The following STRN variants were observed in gnomAD, a reference collection of about 807,000 sequenced individuals.
The protein encoded by STRN is protein phosphatase 2 regulatory subunit B'''alpha.
Under a neutral mutation model 96.3 loss-of-function variants are expected in STRN, and 53 were observed. That is an observed-to-expected ratio of 0.55 (90% confidence interval 0.44 to 0.69). The LOEUF (loss-of-function observed/expected upper bound fraction) is 0.69. Ranked by LOEUF, STRN falls within the 30% of genes least tolerant of loss-of-function variation. STRN has a pLI of 0.00. For synonymous variants in STRN, 428 were observed against 355.9 expected (o/e 1.20, Z -2.28); for missense variants, 987 against 963.9 (o/e 1.02, Z -0.32).
intron 11 of STRN, among the ~76,000 whole-genome samples, chr2:36,868,732 A>T (rs1238041754): frequency 6.6e-6 from 1 of 152,162 alleles, no homozygotes; most frequent in East Asian, 1.9e-4. Context: ...AATGACACTG[A>T]TCTCTCTTAA....
intron 6 of STRN, among the ~76,000 whole-genome samples, chr2:36,898,589 T>C (rs1386231521): frequency 6.6e-6 from 1 of 152,208 alleles, no homozygotes; most frequent in Admixed American, 6.5e-5. Flanking sequence ...TAGTGTCTCT[T>C]TGTTCCTCAC....
intron 2 of STRN, among the ~76,000 whole-genome samples, chr2:36,918,662 GT>G (rs1558652673): frequency 6.6e-6 from 1 of 152,102 alleles, no homozygotes; most frequent in African/African-American, 2.4e-5. Flanking sequence ...AAGAACTGTT[GT>G]TTTTATCACA....
In STRN at chr2:36,840,172, AGT is replaced by A. The variant is rs1667917789; in HGVS notation, c.*9282_*9283del. 1 of 152,198 alleles carries A rather than the reference AGT, an allele frequency of 6.6e-6. No individual in the cohort carries two copies. 9.4% of individuals were successfully genotyped at this position (152,198 alleles called of 1,614,324 possible). A position where few individuals can be genotyped will look rare whatever the true frequency, so the allele number is the denominator to read the frequency against. ...GGCCATCTGTAGGTTGCAAGGAAAG[AGT>A]GTGGAAGTGGACCTGTTCTGAGCCC... On this transcript the variant is annotated 3_prime_UTR_variant, in exon 18 of 18. Transcript: ENST00000263918.
intron 12 of STRN, among the ~76,000 whole-genome samples, chr2:36,862,972 C>T (rs1668531188): frequency 6.6e-6 from 1 of 152,192 alleles, no homozygotes. Context: ...ATCCGCCCGC[C>T]TCGGCCTCCC....
intron 15 of STRN, among the ~76,000 whole-genome samples, chr2:36,851,607 T>A (rs1254804053): frequency 6.6e-6 from 1 of 152,256 alleles, no homozygotes; most frequent in East Asian, 1.9e-4. Flanking sequence ...GCCTGATAAA[T>A]CTGGAAATAT....
At position 36,966,387 on chromosome 2, in the gene STRN, G is replaced by C; in HGVS notation, c.77C>G (p.Pro26Arg). 3 of 1,464,050 alleles carry C rather than the reference G, an allele frequency of 2.0e-6. No individual in the cohort carries two copies. Among genetic ancestry groups the C allele is most frequent in the Non-Finnish European group, 2.7e-6 (3 of 1,110,150 alleles). 90.7% of individuals were successfully genotyped at this position (1,464,050 alleles called of 1,614,324 possible). Residue 26 changes from proline to arginine, a missense_variant, in exon 1 of 18, where the codon CCT becomes CGT. Pro to Arg is a moderately radical substitution (Grantham distance 103). Transcript: ENST00000263918. The part of the protein sequence containing the change: ...PGAGGAKGLG[P>R]LAEAAAAGDG... ...GCCGGCCGCGGCAGCCTCCGCCAGAGGCCCGAGCCCCTTGGCACCGCCGGC... is the reference window on the plus strand; with the variant it reads ...GCCGGCCGCGGCAGCCTCCGCCAGACGCCCGAGCCCCTTGGCACCGCCGGC...
At chr2:36,916,178 C>A (rs770266581) in intron 2 of STRN, 27 bp from the exon 3 acceptor site, 1 of 1,574,194 alleles carries the variant, frequency 6.4e-7, no homozygotes, top group Non-Finnish European at 8.7e-7. Context: ...AAAATACAGA[C>A]CATCTTAAAA....
intron 1 of STRN, among the ~76,000 whole-genome samples, 175 bp downstream of exon 1, chr2:36,966,055 G>A (rs532037872): frequency 2.6e-5 from 4 of 151,802 alleles, no homozygotes; most frequent in Admixed American, 2.0e-4. Flanking sequence ...GGTCGAGGTG[G>A]GGTCAGCGAA....
chr2:36,861,360 C>G, intron 12 of STRN, 107 bp from the exon 13 acceptor site: 1 of 1,407,294 alleles, frequency 7.1e-7, no homozygotes, highest in Non-Finnish European at 9.6e-7. Flanking sequence ...TATTTTTCTG[C>G]TTTTTATAAA....
chr2:36,876,577 A>G (rs1046481351), intron 10 of STRN, among the ~76,000 whole-genome samples: 3 of 152,102 alleles, frequency 2.0e-5, no homozygotes, highest in Admixed American at 1.3e-4. Context: ...CATCCATCCT[A>G]CATCCCCTGC....
At chr2:36,932,662 G>T (rs918215733) in intron 1 of STRN, among the ~76,000 whole-genome samples, 10 of 152,196 alleles carry the variant, frequency 6.6e-5, no homozygotes, top group Admixed American at 5.9e-4. Context: ...GAGTACAGTG[G>T]CATGATCATA....
At chr2:36,856,364 G>C (rs1034612930) in intron 14 of STRN, among the ~76,000 whole-genome samples, 3 of 152,136 alleles carry the variant, frequency 2.0e-5, no homozygotes, top group Non-Finnish European at 2.9e-5. Flanking sequence ...TAGCAGCCTT[G>C]TTCAAAATAG....
rs977271558 is a variant in STRN, at chr2:36,851,173, G to C, written c.1979-66C>G. On this transcript the variant is annotated intron_variant, in intron 15 of 17. Coordinates refer to ENST00000263918, the MANE Select transcript of STRN (RefSeq NM_003162.4). The stretch of plus-strand genomic sequence containing the variant: ...GATATTTTTCACACAAAGGAGAACT[G>C]AATTATCTATCTAAGAGACTGAAAA... The C allele has an allele frequency of 5.8e-6, 8 of 1,390,654 alleles. No homozygotes were observed. In the East Asian group the frequency reaches 1.6e-4, roughly 28 times the overall value. 86.1% of individuals were successfully genotyped at this position (1,390,654 alleles called of 1,614,324 possible). A position where few individuals can be genotyped will look rare whatever the true frequency, so the allele number is the denominator to read the frequency against.
rs2148196138 is a variant in STRN at position 36,899,676 on chromosome 2, T to C, written c.660-18A>G. ...CAGATTTTCTGGTGTAAAACATGTA[T>C]ATCCTGCTTAGTTAATCTTTTTAAC... On this transcript the variant is annotated intron_variant, in intron 5 of 17. Transcript: ENST00000263918. 16 of 1,572,218 alleles carry C rather than the reference T, an allele frequency of 1.0e-5. No homozygotes were observed. The highest frequency in any genetic ancestry group is 1.4e-5 in the Non-Finnish European group (16 of 1,159,154).
At chr2:36,948,965 A>G (rs1664682310) in intron 1 of STRN, among the ~76,000 whole-genome samples, 1 of 152,264 alleles carries the variant, frequency 6.6e-6, no homozygotes, top group Non-Finnish European at 1.5e-5. Flanking sequence ...TTTGGTTTAG[A>G]AAGAGTACAG....
intron 15 of STRN, among the ~76,000 whole-genome samples, chr2:36,854,620 T>C (rs1377246260): frequency 2.6e-5 from 4 of 152,216 alleles, no homozygotes; most frequent in Non-Finnish European, 5.9e-5. Context: ...AACAAGAGTA[T>C]ATGTATGTCG....
chr2:36,898,147 C>A (rs542963887), intron 6 of STRN, among the ~76,000 whole-genome samples: 1 of 152,122 alleles, frequency 6.6e-6, no homozygotes, highest in African/African-American at 2.4e-5. Context: ...AAATTGATAT[C>A]ACTAACAGAA....
intron 1 of STRN, among the ~76,000 whole-genome samples, chr2:36,958,959 A>G (rs1205007614): frequency 6.6e-6 from 1 of 152,170 alleles, no homozygotes; most frequent in Non-Finnish European, 1.5e-5. Context: ...TACCAAAAAT[A>G]CAAAAAATTA....
chr2:36,938,312 G>T (rs1421011192), intron 1 of STRN, among the ~76,000 whole-genome samples: 1 of 152,040 alleles, frequency 6.6e-6, no homozygotes, highest in Non-Finnish European at 1.5e-5. Flanking sequence ...TGTAATCACA[G>T]CTACTTGGGA....
Sources: gnomAD v4.1 joint callset for allele counts (sites outside exome capture counted in the v4.1 genomes callset) on GRCh38, gnomAD v4.1.1 for gene constraint, MANE v1.5 for transcripts, NCBI Gene and HGNC (gene_info 2026-07-23, HGNC 2026-07-21) for gene names.